MTSS1: variants seen among roughly 807,000 people sequenced by gnomAD.
MTSS1 encodes protein MTSS 1.
Under a neutral mutation model 79.0 loss-of-function variants are expected in MTSS1, and 18 were observed. That is an observed-to-expected ratio of 0.23 (90% confidence interval 0.16 to 0.34). MTSS1 has a LOEUF of 0.34. Ranked by LOEUF, MTSS1 falls within the 10% of genes least tolerant of loss-of-function variation. The probability of loss-of-function intolerance (pLI) is 1.00; values close to 1 mark genes in which losing one functional copy is unlikely to be tolerated. For missense variants in MTSS1, 815 were observed against 986.2 expected, an observed-to-expected ratio of 0.83 and a Z score of 2.33; for synonymous variants, 341 against 368.6, an observed-to-expected ratio of 0.93 and a Z score of 0.86.
chr8:124,708,621 G>A (rs1020284044), intron 1 of MTSS1, among the ~76,000 whole-genome samples: 7 of 152,144 alleles, frequency 4.6e-5, no homozygotes, highest in Non-Finnish European at 1.0e-4. Flanking sequence ...TGAAAAAGAC[G>A]ACTACTCAAA....
At position 124,562,959 on chromosome 8, in the gene MTSS1, C is replaced by T; in HGVS notation, c.858G>A (p.Arg286=). The T allele has an allele frequency of 6.2e-7, 1 of 1,611,794 alleles. No individual in the cohort carries two copies. The change falls in exon 10 of 14, where the codon CGG becomes CGA. Residue 286 remains arginine (R), a synonymous_variant. Coordinates refer to ENST00000518547, the MANE Select transcript of MTSS1 (RefSeq NM_014751.6). ...GGGAATGCGAGTGGGAGCCGCTGGACCGGGAGTCACTGCTGTTGACACTGT... is the reference window on the plus strand; with the variant it reads ...GGGAATGCGAGTGGGAGCCGCTGGATCGGGAGTCACTGCTGTTGACACTGT... ...SLNSVNSSDS[R]SSGSHSHSPS... is the part of the protein sequence containing the mutation.
chr8:124,647,536 T>G (rs1164267427), intron 3 of MTSS1, among the ~76,000 whole-genome samples: 1 of 152,210 alleles, frequency 6.6e-6, no homozygotes, highest in East Asian at 1.9e-4. Context: ...CTCCACAACT[T>G]ATTCATCCTA....
intron 3 of MTSS1, among the ~76,000 whole-genome samples, chr8:124,646,980 G>C (rs1819108266): frequency 6.6e-6 from 1 of 151,996 alleles, no homozygotes; most frequent in Non-Finnish European, 1.5e-5. Context: ...TGAGTAGCTG[G>C]GACTACAGGC....
intron 3 of MTSS1, among the ~76,000 whole-genome samples, chr8:124,669,304 G>A (rs1451592009): frequency 2.6e-5 from 4 of 152,190 alleles, no homozygotes; most frequent in East Asian, 1.9e-4. Flanking sequence ...CCACCGTCTC[G>A]CTCCGCTGAG....
In MTSS1 at chr8:124,662,956, C is replaced by T. The variant is rs541665929; in HGVS notation, c.208+36570G>A. Reference sequence around the variant, plus strand: ...GACCGAGACGTGACCACGAGCCTTTCCTGATTGTTTTCTCCAGGTAACCAA... The same window carrying T: ...GACCGAGACGTGACCACGAGCCTTTTCTGATTGTTTTCTCCAGGTAACCAA... On this transcript the variant is annotated intron_variant, in intron 3 of 13. Transcript: ENST00000518547. 9.2e-5 allele frequency among the ~76,000 whole-genome samples: 14 copies of T among 152,242 alleles called. No homozygotes were observed. The South Asian group carries it at 2.3e-3, about 25-fold the overall frequency.
chr8:124,558,741 G>T (rs145261947), intron 10 of MTSS1: 2 of 1,578,296 alleles, frequency 1.3e-6, no homozygotes, highest in African/African-American at 2.7e-5. Flanking sequence ...GGCACCCATG[G>T]TGGAGCCCGA....
chr8:124,620,094 C>T (rs547360400), intron 3 of MTSS1, among the ~76,000 whole-genome samples: 9 of 152,158 alleles, frequency 5.9e-5, no homozygotes, highest in South Asian at 2.1e-4. Flanking sequence ...TACAGGCATG[C>T]GCCACCATGC....
chr8:124,589,687 G>A lies in MTSS1; in HGVS notation c.318C>T (p.Asn106=). 6.2e-7 allele frequency: 1 copy of A among 1,612,640 alleles called. No individual in the cohort carries two copies. Among genetic ancestry groups the A allele is most frequent in the South Asian group, 1.1e-5 (1 of 90,716 alleles). Residue 106 remains asparagine, a synonymous_variant, in exon 5 of 14, where the codon AAC becomes AAT. Transcript: ENST00000518547. The part of the protein sequence containing the change: ...FSSALIDCLI[N]PLQEQMEEWK... Reference sequence around the variant, plus strand: ...ATTCTTCCATCTGTTCTTGAAGTGGGTTTATCAGACAATCAATTAAAGCGC... The same window carrying A: ...ATTCTTCCATCTGTTCTTGAAGTGGATTTATCAGACAATCAATTAAAGCGC...
Position 124,724,531 on chromosome 8 carries a change from C to A in MTSS1, c.72+3353G>T, listed in dbSNP as rs577524178. Among the ~76,000 whole-genome samples the A allele has an allele frequency of 2.6e-3, 393 of 152,322 alleles. 1 individual carries two copies. The highest frequency in any genetic ancestry group is 9.0e-3 in the African/African-American group (373 of 41,556). ...GCAGCAGGCCCAGTTCAGCTCTCGA[C>A]ATGCTGATTCTTGAGCAACAAGGGT... On this transcript the variant is annotated intron_variant, in intron 1 of 13. Transcript: ENST00000518547.
chr8:124,671,358 C>CAT (rs1251072851), intron 3 of MTSS1, among the ~76,000 whole-genome samples: 1 of 152,124 alleles, frequency 6.6e-6, no homozygotes, highest in Admixed American at 6.6e-5. Flanking sequence ...AGCTGGACAC[C>CAT]ATACCTCGAA....
intron 6 of MTSS1, chr8:124,580,466 T>C (rs1563791153): frequency 6.9e-7 from 1 of 1,446,650 alleles, no homozygotes; most frequent in Non-Finnish European, 9.4e-7. Flanking sequence ...CCTGGGCAGC[T>C]AGCAGAGGTC....
Position 124,679,244 on chromosome 8 carries a change from T to C in MTSS1, c.208+20282A>G, listed in dbSNP as rs1351546742. On this transcript the variant is annotated intron_variant, in intron 3 of 13. Transcript: ENST00000518547. ...AAAGGTTTTATTTAATCCTTGCAAC[T>C]GCTCTAATAGGTAGGTATGACCATC... Among the ~76,000 whole-genome samples the C allele has an allele frequency of 2.0e-5, 3 of 152,238 alleles. No homozygotes were observed. In the East Asian group the frequency reaches 5.8e-4, roughly 29 times the overall value.
intron 3 of MTSS1, among the ~76,000 whole-genome samples, chr8:124,695,941 C>T (rs575904508): frequency 3.3e-5 from 5 of 151,666 alleles, no homozygotes; most frequent in African/African-American, 9.7e-5. Flanking sequence ...ACCCAATTCC[C>T]GGGAGGGGCG....
intron 3 of MTSS1, among the ~76,000 whole-genome samples, chr8:124,601,479 G>A (rs1314532113): frequency 6.6e-6 from 1 of 152,192 alleles, no homozygotes; most frequent in Non-Finnish European, 1.5e-5. Context: ...CTGTGTCATG[G>A]GACGCTCAGG....
chr8:124,551,677 G>C lies in MTSS1; in HGVS notation c.*1315C>G, dbSNP rs1028449641. ...GATCCCTTTAAATCTACAAATCTCT[G>C]TTGGCTTTAGGGGATGGGCAGTATA... On this transcript the variant is annotated 3_prime_UTR_variant, in exon 14 of 14. Transcript: ENST00000518547. 7.9e-5 allele frequency: 12 copies of C among 152,252 alleles called. No individual in the cohort carries two copies. Among genetic ancestry groups the C allele is most frequent in the African/African-American group, 2.9e-4 (12 of 41,430 alleles). The allele number at this position is 152,252 out of a possible 1,614,324, so 9.4% of individuals were successfully genotyped here. A position where few individuals can be genotyped will look rare whatever the true frequency, so the allele number is the denominator to read the frequency against.
chr8:124,583,107 G>A (rs1338855034), intron 6 of MTSS1, among the ~76,000 whole-genome samples: 2 of 152,138 alleles, frequency 1.3e-5, no homozygotes, highest in South Asian at 2.1e-4. Flanking sequence ...GGATCTGACC[G>A]ATCTCGTGGA....
chr8:124,589,818 G>T, intron 4 of MTSS1, 107 bp from the exon 5 acceptor site: 1 of 801,498 alleles, frequency 1.2e-6, no homozygotes. Flanking sequence ...TACCCGAAAC[G>T]TTCTCATCTA....
chr8:124,648,181 C>T (rs549239071), intron 3 of MTSS1, among the ~76,000 whole-genome samples: 62 of 152,218 alleles, frequency 4.1e-4, no homozygotes, highest in African/African-American at 1.4e-3. Flanking sequence ...AAAAGAATAC[C>T]AAGGAGCTAC....
chr8:124,668,598 C>T (rs1171613102), intron 3 of MTSS1, among the ~76,000 whole-genome samples: 6 of 152,262 alleles, frequency 3.9e-5, no homozygotes, highest in South Asian at 2.1e-4. Context: ...TGACACTCTT[C>T]GACAGCATGC....
Sources: gnomAD v4.1 joint callset for allele counts (sites outside exome capture counted in the v4.1 genomes callset) on GRCh38, gnomAD v4.1.1 for gene constraint, MANE v1.5 for transcripts, NCBI Gene and HGNC (gene_info 2026-07-23, HGNC 2026-07-21) for gene names.